The following MCF2L2 variants were observed in gnomAD, a reference collection of about 807,000 sequenced individuals.
The protein encoded by MCF2L2 is probable guanine nucleotide exchange factor MCF2L2.
MCF2L2 carries 102 observed loss-of-function variants against 150.2 expected under a neutral mutation model. The ratio of observed to expected loss-of-function variants is 0.68; its 90% CI spans 0.58 to 0.80. MCF2L2 has a LOEUF of 0.80. Among genes scored for constraint, MCF2L2 ranks in the 30% least tolerant of loss-of-function variants. The probability of loss-of-function intolerance (pLI) is 0.00; values close to 1 mark genes in which losing one functional copy is unlikely to be tolerated. For synonymous variants in MCF2L2, 465 were observed against 491.3 expected (o/e 0.95, Z 0.71); for missense variants, 1,256 against 1,372.8 (o/e 0.91, Z 1.34).
chr3:183,330,874 C>T (rs938089282), intron 5 of MCF2L2, among the ~76,000 whole-genome samples: 3 of 152,084 alleles, frequency 2.0e-5, no homozygotes, highest in Non-Finnish European at 4.4e-5. Flanking sequence ...ATTTGGCATC[C>T]TCTCATTACA....
intron 13 of MCF2L2, among the ~76,000 whole-genome samples, chr3:183,290,376 C>G (rs1234776156): frequency 6.6e-6 from 1 of 152,202 alleles, no homozygotes; most frequent in Admixed American, 6.5e-5. Flanking sequence ...CCCACCTTAC[C>G]AGCTTTGCCA....
intron 1 of MCF2L2, among the ~76,000 whole-genome samples, chr3:183,419,818 A>C (rs1196484077): frequency 1.3e-5 from 2 of 152,212 alleles, no homozygotes; most frequent in Non-Finnish European, 2.9e-5. Flanking sequence ...GGTTGCAGTG[A>C]GCTGAGATCG....
At position 183,318,189 on chromosome 3, in the gene MCF2L2, T is replaced by G; in HGVS notation, c.632A>C (p.Lys211Thr). ...TAIENFALTLKTTAQMLQTFG... is the reference protein window; with the variant it reads ...TAIENFALTLTTTAQMLQTFG... ...CGTCTGCAGCATCTGGGCAGTGGTC[T>G]TCAAGGTCAAGGCAAAGTTTTCGAT... Residue 211 changes from lysine to threonine, a missense_variant, in exon 7 of 30, where the codon AAG becomes ACG. Lys to Thr is a moderately conservative substitution (Grantham distance 78). Transcript: ENST00000328913. The G allele has an allele frequency of 6.2e-7, 1 of 1,614,184 alleles. No homozygotes were observed. The highest frequency in any genetic ancestry group is 8.5e-7 in the Non-Finnish European group (1 of 1,180,022).
Position 183,328,480 on chromosome 3 carries a change from C to T in MCF2L2, c.487-5129G>A, listed in dbSNP as rs1392682199. Among the ~76,000 whole-genome samples the T allele has an allele frequency of 2.0e-5, 3 of 151,242 alleles. No homozygotes were observed. The East Asian group carries it at 5.8e-4, about 29-fold the overall frequency. ...CAGTGTCTGAATTGAATTGTAGAGC[C>T]CCTGATTGGTGTCTAGACAGTTGGA... On this transcript the variant is annotated intron_variant, in intron 5 of 29. Transcript: ENST00000328913.
intron 10 of MCF2L2, among the ~76,000 whole-genome samples, chr3:183,300,783 G>C (rs113499196): frequency 0.075 from 11,394 of 151,990 alleles, 1,062 homozygotes; most frequent in African/African-American, 0.22. Flanking sequence ...TTGGGAGGCC[G>C]AGGTGGGCGG....
At chr3:183,421,075 T>C (rs775456062) in intron 1 of MCF2L2, among the ~76,000 whole-genome samples, 1 of 152,266 alleles carries the variant, frequency 6.6e-6, no homozygotes, top group Admixed American at 6.5e-5. Context: ...TTGTATGTGA[T>C]GAGTCATTTT....
In MCF2L2 at chr3:183,267,683, C is replaced by T. The variant is rs1726293416; in HGVS notation, c.1862+9189G>A. Among the ~76,000 whole-genome samples the T allele has an allele frequency of 6.6e-6, 1 of 152,206 alleles. No individual in the cohort carries two copies. ...CCCCCGAGGAAGAGAGCCTACCTTTCCATCCAAGGAAGTGTTTTACCTGTG... is the reference window on the plus strand; with the variant it reads ...CCCCCGAGGAAGAGAGCCTACCTTTTCATCCAAGGAAGTGTTTTACCTGTG... On this transcript the variant is annotated intron_variant, in intron 15 of 29. Transcript: ENST00000328913. The surrounding 1 kb of genome is among the most constrained non-coding windows in gnomAD (Gnocchi z 5.5).
chr3:183,280,524 A>G (rs926896877), intron 14 of MCF2L2, among the ~76,000 whole-genome samples: 1 of 152,142 alleles, frequency 6.6e-6, no homozygotes, highest in African/African-American at 2.4e-5. Flanking sequence ...GAATGTGTAG[A>G]AAGTGATTTC....
intron 18 of MCF2L2, chr3:183,224,478 T>A: frequency 3.6e-6 from 1 of 277,014 alleles, no homozygotes; most frequent in Admixed American, 4.6e-5. Flanking sequence ...AATTGGTTTT[T>A]ATCTTTATCA....
chr3:183,220,581 T>C (rs1265055452), intron 20 of MCF2L2, among the ~76,000 whole-genome samples: 1 of 152,226 alleles, frequency 6.6e-6, no homozygotes, highest in East Asian at 1.9e-4. Flanking sequence ...ATTGTAAATG[T>C]TAAGAGTTTT....
intron 3 of MCF2L2, among the ~76,000 whole-genome samples, chr3:183,350,747 A>G (rs2108552192): frequency 6.6e-6 from 1 of 152,122 alleles, no homozygotes; most frequent in East Asian, 1.9e-4. Context: ...TACTAAAACT[A>G]CAAAAAATTA....
intron 25 of MCF2L2, among the ~76,000 whole-genome samples, chr3:183,195,474 C>T (rs544471407): frequency 2.0e-5 from 3 of 152,282 alleles, no homozygotes; most frequent in South Asian, 2.1e-4. Flanking sequence ...GTCTCTACCC[C>T]ATCCTGCTGA....
intron 3 of MCF2L2, among the ~76,000 whole-genome samples, chr3:183,358,578 A>T (rs2108562167): frequency 6.6e-6 from 1 of 152,288 alleles, no homozygotes; most frequent in South Asian, 2.1e-4. Context: ...ATGAACTGAA[A>T]ATTGAAGGGA....
intron 3 of MCF2L2, among the ~76,000 whole-genome samples, chr3:183,342,526 G>T (rs1418663114): frequency 6.6e-6 from 1 of 152,016 alleles, no homozygotes; most frequent in Non-Finnish European, 1.5e-5. Context: ...GGGTTGAGGG[G>T]TAGTTACTTA....
Position 183,179,478 on chromosome 3 carries a change from G to T in MCF2L2, c.3247C>A (p.Arg1083Ser), listed in dbSNP as rs750149922. 5.6e-6 allele frequency: 9 copies of T among 1,604,928 alleles called. No homozygotes were observed. The highest frequency in any genetic ancestry group is 1.1e-5 in the South Asian group (1 of 90,252). Reference protein sequence around the residue: ...ETATRSTEEERAGASTGRLAP... With the variant: ...ETATRSTEEESAGASTGRLAP... Reference sequence around the variant, plus strand: ...AGCCGGCCCGTGGACGCCCCAGCGCGCTCCTCCTCGGTGCTGCGGGTCGCC... The same window carrying T: ...AGCCGGCCCGTGGACGCCCCAGCGCTCTCCTCCTCGGTGCTGCGGGTCGCC... The change falls in exon 30 of 30, where the codon CGC (arginine) becomes AGC (serine). Residue 1083 changes from arginine to serine, a missense_variant. Physicochemically the swap from Arg to Ser is moderately radical, Grantham distance 110. Transcript: ENST00000328913. The surrounding 1 kb of genome is among the most constrained non-coding windows in gnomAD (Gnocchi z 4.2).
At position 183,270,561 on chromosome 3, in the gene MCF2L2, G is replaced by A. The variant is rs775732268; in HGVS notation, c.1862+6311C>T. On this transcript the variant is annotated intron_variant, in intron 15 of 29. Coordinates refer to ENST00000328913, the MANE Select transcript of MCF2L2 (RefSeq NM_015078.4). This position sits in a 1 kb window ranked among gnomAD's most constrained non-coding sequence, Gnocchi z 4.5. ...GCCAGCTTACCCTGACTACACAGCC[G>A]GAGCTGCCTATGTAATCTCCGGTGA... 8.1e-6 allele frequency: 13 copies of A among 1,613,994 alleles called. No individual in the cohort carries two copies. Among genetic ancestry groups the A allele is most frequent in the South Asian group, 4.4e-5 (4 of 91,088 alleles).
intron 2 of MCF2L2, among the ~76,000 whole-genome samples, chr3:183,387,358 C>A (rs1056149834): frequency 2.6e-5 from 4 of 151,904 alleles, no homozygotes; most frequent in African/African-American, 9.7e-5. Flanking sequence ...GGTCAAAGTA[C>A]CTTCCTAAAG....
At chr3:183,288,757 G>A (rs1330874494) in intron 14 of MCF2L2, among the ~76,000 whole-genome samples, 1 of 152,126 alleles carries the variant, frequency 6.6e-6, no homozygotes, top group Admixed American at 6.5e-5. Flanking sequence ...TGGGATTACA[G>A]GCGTGAACCA....
intron 1 of MCF2L2, among the ~76,000 whole-genome samples, chr3:183,425,147 G>A (rs1716095047): frequency 6.6e-6 from 1 of 152,120 alleles, no homozygotes; most frequent in African/African-American, 2.4e-5. Context: ...TAGGATTGAG[G>A]CAGGCAGCAG....
Sources: gnomAD v4.1 joint callset for allele counts (sites outside exome capture counted in the v4.1 genomes callset) on GRCh38, gnomAD v4.1.1 for gene constraint, Gnocchi (gnomAD v3.1) non-coding constraint, MANE v1.5 for transcripts, NCBI Gene and HGNC (gene_info 2026-07-23, HGNC 2026-07-21) for gene names.